CA4: variants seen among roughly 807,000 people sequenced by gnomAD.
CA4 encodes the protein CA-IV.
A neutral mutation model predicts 34.5 loss-of-function variants in CA4; 24 were observed. That is an observed-to-expected ratio of 0.70 (90% CI 0.50 to 0.98). The LOEUF is 0.98. CA4 is among the 50% of genes least tolerant of loss of function. The pLI, the probability that CA4 is intolerant of heterozygous loss-of-function variation, is 0.00. For missense variants in CA4, 394 were observed against 396.7 expected (o/e 0.99, Z 0.06); for synonymous variants, 178 against 170.6 (o/e 1.04, Z -0.34).
At chr17:60,167,564 T>C (rs1384328662) in intron 5 of CA4, among the ~76,000 whole-genome samples, 1 of 152,206 alleles carries the variant, frequency 6.6e-6, no homozygotes, top group African/African-American at 2.4e-5. Context: ...TAGCAAAGAA[T>C]GGAACTACCA....
intron 1 of CA4, among the ~76,000 whole-genome samples, chr17:60,153,751 G>A (rs932129433): frequency 6.6e-6 from 1 of 152,216 alleles, no homozygotes; most frequent in Non-Finnish European, 1.5e-5. Flanking sequence ...CTGCTGGGGT[G>A]GCGAGTGGCC....
rs144756094 is a variant in CA4, at chr17:60,167,302, G to C, written c.*179-3249G>C. ...GGGATGTGTGCTGACCCTAGCCCTG[G>C]AGCGCTCTCCCCCACCACTCCCCGC... is the stretch of plus-strand genomic sequence containing the variant. On this transcript the variant is annotated intron_variant and NMD_transcript_variant, in intron 5 of 5. Coordinates refer to the CA4 transcript ENST00000586876. 2.0e-3 allele frequency among the ~76,000 whole-genome samples: 301 copies of C among 152,260 alleles called. 3 individuals carry two copies. Among genetic ancestry groups the C allele is most frequent in the Non-Finnish European group, 3.1e-3 (210 of 68,030 alleles).
downstream of CA4, among the ~76,000 whole-genome samples, chr17:60,172,790 G>C (rs1387921623): frequency 6.6e-6 from 1 of 152,028 alleles, no homozygotes; most frequent in African/African-American, 2.4e-5. Flanking sequence ...GTTTCAGTGA[G>C]CCGAGATAGT....
intron 7 of CA4, 113 bp from the exon 8 acceptor site, chr17:60,159,116 GC>G: frequency 1.1e-6 from 1 of 878,566 alleles, no homozygotes; most frequent in Non-Finnish European, 1.9e-6. Context: ...GGGGTTCAGA[GC>G]CCCTCTTTCC....
At chr17:60,166,552 G>C (rs977815385) in intron 5 of CA4, among the ~76,000 whole-genome samples, 5 of 152,234 alleles carry the variant, frequency 3.3e-5, no homozygotes, top group African/African-American at 1.2e-4. Flanking sequence ...ATTATTTGCT[G>C]TGCTTTATAT....
intron 7 of CA4, chr17:60,158,823 G>A (rs1020793096): frequency 2.4e-6 from 1 of 411,646 alleles, no homozygotes; most frequent in Non-Finnish European, 4.5e-6. Context: ...ATCATCACTG[G>A]GGGAATTTGT....
intron 1 of CA4, among the ~76,000 whole-genome samples, chr17:60,152,081 G>T (rs565298141): frequency 2.0e-5 from 3 of 152,204 alleles, no homozygotes; most frequent in East Asian, 1.9e-4. Context: ...CAGTCAGTGT[G>T]GGGGGCAGTA....
At chr17:60,161,939 A>T (rs901271840), downstream of CA4, among the ~76,000 whole-genome samples, 6 of 149,726 alleles carry the variant, frequency 4.0e-5, no homozygotes, top group African/African-American at 1.5e-4. Flanking sequence ...CTGCATCCCC[A>T]CCCCCATCCC....
At chr17:60,157,079 G>C in intron 3 of CA4, 1 of 518,160 alleles carries the variant, frequency 1.9e-6, no homozygotes, top group East Asian at 3.5e-5. Flanking sequence ...GCTGGGCTGG[G>C]GCCCAAGGGC....
the CA4 span, among the ~76,000 whole-genome samples, chr17:60,177,225 G>A: frequency 5.9e-5 from 9 of 152,164 alleles, no homozygotes; most frequent in African/African-American, 7.2e-5. Context: ...GAGGAAAAAC[G>A]GCACATGGAG....
At chr17:60,165,831 CTT>C (rs202181908) in intron 5 of CA4, among the ~76,000 whole-genome samples, 20 of 141,030 alleles carry the variant, frequency 1.4e-4, no homozygotes, top group African/African-American at 1.6e-4. Context: ...TAACAAATCT[CTT>C]TTTTTTTTTT....
downstream of CA4, among the ~76,000 whole-genome samples, chr17:60,164,055 G>C (rs1038179842): frequency 6.6e-6 from 1 of 151,614 alleles, no homozygotes; most frequent in Non-Finnish European, 1.5e-5. Flanking sequence ...CTTAAGCCCA[G>C]GAGTGCAGGC....
downstream of CA4, among the ~76,000 whole-genome samples, chr17:60,174,980 G>A (rs1346744249): frequency 6.6e-6 from 1 of 152,238 alleles, no homozygotes; most frequent in East Asian, 1.9e-4. Context: ...TCAACGCATA[G>A]GGCCATTCAG....
chr17:60,169,247 T>C (rs2083889961), intron 5 of CA4, among the ~76,000 whole-genome samples: 1 of 131,576 alleles, frequency 7.6e-6, no homozygotes, highest in African/African-American at 4.0e-5. Flanking sequence ...ACTCCCTCTG[T>C]CTCAAAAAAA....
the CA4 span, among the ~76,000 whole-genome samples, chr17:60,176,230 CA>C: frequency 1.8e-4 from 28 of 151,854 alleles, no homozygotes; most frequent in African/African-American, 5.8e-4. Context: ...ACAAAACAAA[CA>C]AAAAAAACCC....
At position 60,158,049 on chromosome 17, in the gene CA4, C is replaced by T. The variant is rs748482250; in HGVS notation, c.514-12C>T. ...CTGCAGACTTTCTCAAGACCCTTCC[C>T]TCCCTTTCCAGGCTGGAACCCAGGT... On this transcript the variant is annotated splice_polypyrimidine_tract_variant and intron_variant, in intron 5 of 7. Transcript: ENST00000300900. 1 of 1,613,872 alleles carries T rather than the reference C, an allele frequency of 6.2e-7. No homozygotes were observed. The highest frequency in any genetic ancestry group is 8.5e-7 in the Non-Finnish European group (1 of 1,179,920).
At chr17:60,163,427 T>C (rs904098153), downstream of CA4, among the ~76,000 whole-genome samples, 1 of 152,148 alleles carries the variant, frequency 6.6e-6, no homozygotes. Flanking sequence ...CAGAAGGGGC[T>C]ACCCTTGGTC....
downstream of CA4, among the ~76,000 whole-genome samples, chr17:60,171,792 T>C (rs1352564542): frequency 1.3e-5 from 2 of 152,110 alleles, no homozygotes; most frequent in Non-Finnish European, 2.9e-5. Flanking sequence ...GAAGAAAGGG[T>C]CGGGTCTCAA....
At chr17:60,158,565 C>T (rs2145279776) in intron 7 of CA4, 119 bp downstream of exon 7, 16 of 963,294 alleles carry the variant, frequency 1.7e-5, no homozygotes, top group South Asian at 2.9e-5. Flanking sequence ...AACTGAAGTC[C>T]GTTGTTAATC....
Sources: gnomAD v4.1 joint callset for allele counts (sites outside exome capture counted in the v4.1 genomes callset) on GRCh38, gnomAD v4.1.1 for gene constraint, MANE v1.5 for transcripts, NCBI Gene and HGNC (gene_info 2026-07-23, HGNC 2026-07-21) for gene names.